Variants in KLHL5 observed in about 807,000 individuals in gnomAD.
KLHL5 encodes the protein kelch-like protein 5.
KLHL5 carries 48 observed loss-of-function variants against 77.7 expected under a neutral mutation model. The observed-to-expected ratio is 0.62, with a 90% CI of 0.49 to 0.79. The LOEUF (loss-of-function observed/expected upper bound fraction) is 0.79. Among genes scored for constraint, KLHL5 ranks in the 30% least tolerant of loss-of-function variants. The probability of loss-of-function intolerance (pLI) is 0.00; values close to 1 mark genes in which losing one functional copy is unlikely to be tolerated. For missense variants in KLHL5, 723 were observed against 859.7 expected (o/e 0.84, Z 1.99); for synonymous variants, 260 against 297.0 (o/e 0.88, Z 1.28).
At chr4:39,047,654 G>A (rs1441761194) in intron 1 of KLHL5, among the ~76,000 whole-genome samples, 2 of 152,170 alleles carry the variant, frequency 1.3e-5, no homozygotes, top group African/African-American at 4.8e-5. Flanking sequence ...CCTGTTGAAG[G>A]ACCTCTAGGG....
chr4:39,126,729 C>T (rs953180465), downstream of KLHL5: 2 of 456,002 alleles, frequency 4.4e-6, no homozygotes, highest in Admixed American at 2.4e-5. Flanking sequence ...GCAAAGATCA[C>T]CTGGTGGCCA....
At chr4:39,091,169 A>T (rs1577699241) in intron 5 of KLHL5, among the ~76,000 whole-genome samples, 1 of 151,714 alleles carries the variant, frequency 6.6e-6, no homozygotes, top group African/African-American at 2.4e-5. Flanking sequence ...TTGTATTTTT[A>T]GTAGAGACAG....
intron 1 of KLHL5, among the ~76,000 whole-genome samples, chr4:39,067,591 T>G (rs1718008788): frequency 6.6e-6 from 1 of 152,138 alleles, no homozygotes; most frequent in Non-Finnish European, 1.5e-5. Context: ...ACCTTCTTTC[T>G]TCAGTTAATT....
intron 2 of KLHL5, among the ~76,000 whole-genome samples, chr4:39,079,969 A>G (rs1233751429): frequency 6.6e-6 from 1 of 152,178 alleles, no homozygotes; most frequent in Admixed American, 6.5e-5. Context: ...ATGGCCAAAA[A>G]TTTTAACATC....
chr4:39,121,054 T>C lies in KLHL5; in HGVS notation c.2118T>C (p.Thr706=), dbSNP rs748007785. 49 of 1,612,474 alleles carry C rather than the reference T, an allele frequency of 3.0e-5. No individual in the cohort carries two copies. The highest frequency in any genetic ancestry group is 3.8e-5 in the Non-Finnish European group (45 of 1,178,744). The change falls in exon 11 of 11, where the codon ACT becomes ACC. Residue 706 remains threonine, a synonymous_variant. Transcript: ENST00000504108. ...GAAGAGCTGGAGCTTGTGTTGTGAC[T>C]GTAAAATTATAATTTAGTGCCCCGT... The part of the protein sequence containing the change: ...CLGRAGACVV[T]VKL
At chr4:39,070,465 A>G (rs1473091894) in intron 1 of KLHL5, among the ~76,000 whole-genome samples, 1 of 152,160 alleles carries the variant, frequency 6.6e-6, no homozygotes, top group Admixed American at 6.6e-5. Flanking sequence ...TCTCTATTAG[A>G]AACAACCTGT....
At chr4:39,076,967 ATGTC>A (rs552858553) in intron 2 of KLHL5, among the ~76,000 whole-genome samples, 352 of 152,188 alleles carry the variant, frequency 2.3e-3, no homozygotes, top group Non-Finnish European at 4.4e-3. Flanking sequence ...AAAAGAAAGA[ATGTC>A]TGTAAGTTAA....
intron 8 of KLHL5, chr4:39,112,681 A>T (rs1247076432): frequency 8.2e-6 from 2 of 242,994 alleles, no homozygotes; most frequent in African/African-American, 4.5e-5. Flanking sequence ...GTATATTTAT[A>T]CACCATATTT....
In KLHL5 at chr4:39,115,190, G is replaced by A. The variant is rs1222357349; in HGVS notation, c.1933G>A (p.Val645Ile). The change falls in exon 10 of 11, where the codon GTA becomes ATA. Residue 645 changes from valine to isoleucine, a missense_variant. Transcript: ENST00000504108. ...YDPKTDMWTA[V>I]ASMSISRDAV... Reference sequence around the variant, plus strand: ...TCCCAAAACAGACATGTGGACTGCAGTAGCATCCATGAGCATCAGCAGAGA... The same window carrying A: ...TCCCAAAACAGACATGTGGACTGCAATAGCATCCATGAGCATCAGCAGAGA... 2.5e-6 allele frequency: 4 copies of A among 1,613,272 alleles called. No homozygotes were observed. The Admixed American group carries it at 6.7e-5, about 27-fold the overall frequency.
upstream of KLHL5, chr4:39,044,949 G>A: frequency 1.1e-6 from 1 of 910,762 alleles, no homozygotes; most frequent in East Asian, 1.7e-4. Context: ...CCGGCGCCGG[G>A]GATGAGGCTG....
At chr4:39,103,860 A>G (rs1368934581) in intron 7 of KLHL5, among the ~76,000 whole-genome samples, 2 of 149,118 alleles carry the variant, frequency 1.3e-5, no homozygotes, top group South Asian at 2.1e-4. Flanking sequence ...GGCTTGGCCT[A>G]TAGTCCCAGC....
chr4:39,095,474 T>G (rs1720973754), intron 5 of KLHL5, among the ~76,000 whole-genome samples: 1 of 152,062 alleles, frequency 6.6e-6, no homozygotes, highest in Admixed American at 6.6e-5. Context: ...TACATACATA[T>G]ATACTTTGAC....
At chr4:39,137,133 C>T in the KLHL5 span, among the ~76,000 whole-genome samples, 288 of 152,132 alleles carry the variant, frequency 1.9e-3, no homozygotes, top group African/African-American at 6.1e-3. Flanking sequence ...TGTAAACTCA[C>T]GGTTTTCAAG....
chr4:39,061,812 T>C (rs912350615), upstream of KLHL5, among the ~76,000 whole-genome samples: 4 of 152,226 alleles, frequency 2.6e-5, no homozygotes, highest in African/African-American at 7.2e-5. Flanking sequence ...CTCAGTTTAT[T>C]TGAAAAAGAG....
rs1723473143 is a variant in KLHL5, at chr4:39,125,303, AAAG to A, written c.*4240_*4242del. Among the ~76,000 whole-genome samples, 1 of 152,192 alleles carries A rather than the reference AAAG, an allele frequency of 6.6e-6. No individual in the cohort carries two copies. Among genetic ancestry groups the A allele is most frequent in the Admixed American group, 6.5e-5 (1 of 15,280 alleles). On this transcript the variant is annotated 3_prime_UTR_variant, in exon 11 of 11. Coordinates refer to ENST00000504108, the MANE Select transcript of KLHL5 (RefSeq NM_015990.5). ...TGGCAGTTCCTCAATAAGTTAAAAA[AAAG>A]AATTACCATATGACCCAGCAAGTCC...
intron 1 of KLHL5, chr4:39,045,123 G>A: frequency 7.1e-6 from 7 of 984,572 alleles, no homozygotes; most frequent in Non-Finnish European, 8.4e-6. Flanking sequence ...TCTCGGCATC[G>A]GGGAGGGGGC....
chr4:39,045,516 G>A (rs1057422210), intron 1 of KLHL5, among the ~76,000 whole-genome samples: 2 of 151,752 alleles, frequency 1.3e-5, no homozygotes, highest in South Asian at 4.2e-4. Flanking sequence ...CTTATTACTT[G>A]CAGGCAATTT....
chr4:39,072,983 T>C (rs1718630116), intron 1 of KLHL5, among the ~76,000 whole-genome samples: 1 of 152,114 alleles, frequency 6.6e-6, no homozygotes, highest in Non-Finnish European at 1.5e-5. Context: ...AATATTAGAG[T>C]TAATGAATTT....
In KLHL5 at chr4:39,103,485, C is replaced by T. The variant is rs1721775861; in HGVS notation, c.1499C>T (p.Pro500Leu). 2 of 1,614,060 alleles carry T rather than the reference C, an allele frequency of 1.2e-6. No individual in the cohort carries two copies. The highest frequency in any genetic ancestry group is 1.7e-6 in the Non-Finnish European group (2 of 1,179,918). Residue 500 changes from proline (P) to leucine (L), a missense_variant, in exon 7 of 11, where the codon CCT becomes CTT. Pro to Leu is a moderately conservative substitution (Grantham distance 98). Coordinates refer to ENST00000504108, the MANE Select transcript of KLHL5 (RefSeq NM_015990.5). Reference sequence around the variant, plus strand: ...ACAAAAACTTGGAGTGTGATGCCACCTATGTCCACACATAGACATGGCCTT... The same window carrying T: ...ACAAAAACTTGGAGTGTGATGCCACTTATGTCCACACATAGACATGGCCTT... Reference protein sequence around the residue: ...PKTKTWSVMPPMSTHRHGLGV... With the variant: ...PKTKTWSVMPLMSTHRHGLGV...
Sources: allele counts gnomAD v4.1 joint callset (sites outside exome capture counted in the v4.1 genomes callset), GRCh38; gene constraint gnomAD v4.1.1; transcripts MANE v1.5; gene names NCBI Gene and HGNC (gene_info 2026-07-23, HGNC 2026-07-21).